CSMD3: variants seen among roughly 807,000 people sequenced by gnomAD.
CSMD3 encodes the protein CUB and sushi domain-containing protein 3.
In CSMD3, 177 loss-of-function variants were observed where a neutral mutation model predicts 435.2. That is an observed-to-expected ratio of 0.41 (90% CI 0.36 to 0.46). CSMD3 has a LOEUF of 0.46. Ranked by LOEUF, CSMD3 falls within the 20% of genes least tolerant of loss-of-function variation. CSMD3 has a pLI of 0.34. For missense variants in CSMD3, 4,265 were observed against 4,504.6 expected (o/e 0.95, Z 1.52); for synonymous variants, 1,656 against 1,520.5 (o/e 1.09, Z -2.07).
At chr8:112,543,650 A>G (rs1172908837) in intron 27 of CSMD3, among the ~76,000 whole-genome samples, 1 of 152,166 alleles carries the variant, frequency 6.6e-6, no homozygotes, top group East Asian at 1.9e-4. Flanking sequence ...GGTGCCAGCC[A>G]CTATGGAAAA....
chr8:112,702,508 G>C (rs1438160197), intron 13 of CSMD3, among the ~76,000 whole-genome samples: 1 of 152,062 alleles, frequency 6.6e-6, no homozygotes, highest in Non-Finnish European at 1.5e-5. Flanking sequence ...TGAAAGATAT[G>C]AGTGCTGGAT....
chr8:112,454,121 C>T (rs776298041), intron 32 of CSMD3, among the ~76,000 whole-genome samples: 4 of 152,116 alleles, frequency 2.6e-5, no homozygotes, highest in African/African-American at 9.7e-5. Context: ...AAGATTTAAA[C>T]GTAAGACGTC....
chr8:112,910,640 A>ACCTGTATTTTC lies in CSMD3; in HGVS notation c.1633+10986_1633+10987insGAAAATACAGG, dbSNP rs554847210. Among the ~76,000 whole-genome samples, 437 of 151,864 alleles carry ACCTGTATTTTC rather than the reference A, an allele frequency of 2.9e-3. 4 individuals are homozygous for ACCTGTATTTTC. The highest frequency in any genetic ancestry group is 1.0e-2 in the African/African-American group (413 of 41,490). Reference sequence around the variant, plus strand: ...CTCACCTGTATTTTCAACTTCTCTCAAGCATTGTATCTTTGTCCTCATTAC... The same window carrying ACCTGTATTTTC: ...CTCACCTGTATTTTCAACTTCTCTCACCTGTATTTTCAGCATTGTATCTTTGTCCTCATTAC... On this transcript the variant is annotated intron_variant, in intron 10 of 70. Transcript: ENST00000297405.
rs1431214778 is a variant in CSMD3 at position 112,237,273 on chromosome 8, G to T, written c.10544C>A (p.Thr3515Asn). The change falls in exon 67 of 71, where the codon ACC becomes AAC. Residue 3515 changes from threonine to asparagine, a missense_variant. Physicochemically the swap from Thr to Asn is moderately conservative, Grantham distance 65. This residue lies in a region of CSMD3 where 3,255 missense variants were observed against 3,380.2 expected (regional missense o/e 0.96). Coordinates refer to ENST00000297405, the MANE Select transcript of CSMD3 (RefSeq NM_198123.2). ...AGCATTGAAACTAGTAACTGTTAAGGTCATGGGTTGTTTCCTTCCTTTGAA... is the reference window on the plus strand; with the variant it reads ...AGCATTGAAACTAGTAACTGTTAAGTTCATGGGTTGTTTCCTTCCTTTGAA... ...YNFKGRKQPM[T>N]LTVTSFNAST... is the part of the protein sequence containing the mutation. The T allele has an allele frequency of 1.2e-6, 2 of 1,613,314 alleles. No homozygotes were observed. The highest frequency in any genetic ancestry group is 1.1e-5 in the South Asian group (1 of 91,076).
chr8:113,284,258 C>T (rs2132489186), intron 2 of CSMD3, among the ~76,000 whole-genome samples: 1 of 152,182 alleles, frequency 6.6e-6, no homozygotes, highest in Admixed American at 6.5e-5. Flanking sequence ...GTTTGGGACT[C>T]AGAGTCTAAA....
chr8:113,388,386 G>A (rs2094448099), intron 1 of CSMD3, among the ~76,000 whole-genome samples: 1 of 151,144 alleles, frequency 6.6e-6, no homozygotes, highest in Non-Finnish European at 1.5e-5. Flanking sequence ...ATACATTGTG[G>A]TACTATCTCC....
intron 7 of CSMD3, among the ~76,000 whole-genome samples, chr8:112,966,149 C>A (rs923548580): frequency 3.3e-5 from 5 of 151,458 alleles, no homozygotes; most frequent in African/African-American, 1.2e-4. Context: ...ATTCACTTTA[C>A]CAATGTCAAA....
chr8:113,192,990 A>G lies in CSMD3; in HGVS notation c.515-19074T>C, dbSNP rs569763612. Among the ~76,000 whole-genome samples the G allele has an allele frequency of 2.0e-5, 3 of 151,606 alleles. No homozygotes were observed. In the South Asian group the frequency reaches 6.2e-4, roughly 31 times the overall value. On this transcript the variant is annotated intron_variant, in intron 3 of 70. Transcript: ENST00000297405. ...ACTTTACTGTGTAGTGATTGTCTTG[A>G]TTGCTTTGTTAAGAGACCCATTATA...
chr8:112,291,802 A>G, intron 55 of CSMD3, 107 bp from the exon 56 acceptor site: 1 of 722,334 alleles, frequency 1.4e-6, no homozygotes, highest in Non-Finnish European at 2.3e-6. Flanking sequence ...AAATTTATTC[A>G]AACAACCAGA....
intron 11 of CSMD3, among the ~76,000 whole-genome samples, chr8:112,853,496 G>C (rs1246876963): frequency 6.6e-6 from 1 of 152,176 alleles, no homozygotes; most frequent in Non-Finnish European, 1.5e-5. Flanking sequence ...AAAGTGTTTG[G>C]ATTACCGGTG....
intron 3 of CSMD3, among the ~76,000 whole-genome samples, chr8:113,227,948 T>A (rs1034721612): frequency 2.6e-5 from 4 of 151,552 alleles, no homozygotes; most frequent in African/African-American, 9.7e-5. Flanking sequence ...TCAAGATGAC[T>A]AAAGATCAAG....
chr8:112,386,352 T>A (rs1040356523), intron 36 of CSMD3, among the ~76,000 whole-genome samples: 4 of 152,080 alleles, frequency 2.6e-5, no homozygotes, highest in Non-Finnish European at 4.4e-5. Flanking sequence ...ACATTGTGAA[T>A]GTAGTTTGGC....
At chr8:113,129,396 A>G (rs1017992983) in intron 4 of CSMD3, among the ~76,000 whole-genome samples, 13 of 152,118 alleles carry the variant, frequency 8.5e-5, no homozygotes, top group Admixed American at 8.5e-4. Context: ...GATAAGATGT[A>G]GAGCCAGCCA....
chr8:112,586,471 A>C (rs1830738180), intron 23 of CSMD3, among the ~76,000 whole-genome samples: 1 of 151,540 alleles, frequency 6.6e-6, no homozygotes, highest in Admixed American at 6.6e-5. Flanking sequence ...TTAGAAAAGT[A>C]GATATTTGAT....
At chr8:112,287,428 A>G (rs1040109281) in intron 57 of CSMD3, among the ~76,000 whole-genome samples, 182 bp from the exon 58 acceptor site, 1 of 152,094 alleles carries the variant, frequency 6.6e-6, no homozygotes, top group African/African-American at 2.4e-5. Context: ...TAAATGAAAA[A>G]GAAAATAGTT....
intron 1 of CSMD3, among the ~76,000 whole-genome samples, chr8:113,402,536 C>A (rs775006574): frequency 2.6e-5 from 4 of 151,098 alleles, no homozygotes; most frequent in Non-Finnish European, 5.9e-5. Flanking sequence ...TATAATGTCC[C>A]CGAATTTAAA....
intron 7 of CSMD3, among the ~76,000 whole-genome samples, chr8:112,961,359 G>A (rs993655851): frequency 6.6e-6 from 1 of 151,606 alleles, no homozygotes; most frequent in African/African-American, 2.4e-5. Context: ...GATCAAAATG[G>A]AAAATTTAGT....
chr8:112,958,946 G>A (rs952157748), intron 7 of CSMD3, among the ~76,000 whole-genome samples: 3 of 152,064 alleles, frequency 2.0e-5, no homozygotes, highest in African/African-American at 7.2e-5. Context: ...ACAAGTTGGA[G>A]ATTTGGAAAA....
intron 53 of CSMD3, among the ~76,000 whole-genome samples, chr8:112,297,692 C>T (rs781457192): frequency 3.3e-5 from 5 of 151,978 alleles, no homozygotes; most frequent in African/African-American, 7.2e-5. Context: ...TCAGGTAATA[C>T]GTACGTAGAA....
Sources: allele counts gnomAD v4.1 joint callset (sites outside exome capture counted in the v4.1 genomes callset), GRCh38; gene constraint gnomAD v4.1.1; regional missense constraint gnomAD v4.1.1; transcripts MANE v1.5; gene names NCBI Gene and HGNC (gene_info 2026-07-23, HGNC 2026-07-21).